Variants in ZFHX3 observed in about 807,000 individuals in gnomAD.
The protein encoded by ZFHX3 is zinc finger homeobox protein 3.
A neutral mutation model predicts 279.1 loss-of-function variants in ZFHX3; 42 were observed. The ratio of observed to expected loss-of-function variants is 0.15; its 90% CI spans 0.12 to 0.19. ZFHX3 has a LOEUF of 0.19. Ranked by LOEUF, ZFHX3 falls within the 10% of genes least tolerant of loss-of-function variation. The pLI is 1.00. For synonymous variants in ZFHX3, 2,293 were observed against 1,957.8 expected, an observed-to-expected ratio of 1.17 and a Z score of -4.52; for missense variants, 4,981 against 4,754.0, an observed-to-expected ratio of 1.05 and a Z score of -1.40.
chr16:73,341,846 A>G (rs1055153651), intron 3 of ZFHX3, among the ~76,000 whole-genome samples: 5 of 152,230 alleles, frequency 3.3e-5, no homozygotes, highest in African/African-American at 1.2e-4. Context: ...ACAAAAGGCT[A>G]CATATTGTAT....
chr16:72,987,440 C>A (rs1962895854), intron 1 of ZFHX3, among the ~76,000 whole-genome samples: 1 of 152,174 alleles, frequency 6.6e-6, no homozygotes, highest in African/African-American at 2.4e-5. Flanking sequence ...CTCCTGGTCT[C>A]CGTTGCCACT....
At chr16:73,513,638 G>C (rs1333286483) in intron 2 of ZFHX3, among the ~76,000 whole-genome samples, 1 of 152,142 alleles carries the variant, frequency 6.6e-6, no homozygotes, top group African/African-American at 2.4e-5. Context: ...CCTCAATTTG[G>C]AGTGAGGATA....
At chr16:73,466,498 T>C (rs2380336) in intron 2 of ZFHX3, among the ~76,000 whole-genome samples, 118,148 of 152,072 alleles carry the variant, frequency 0.78, 46,017 homozygotes, top group Admixed American at 0.82. Flanking sequence ...ACCATCACCA[T>C]CACCACCAAA....
chr16:73,057,962 C>G (rs2144737910), intron 1 of ZFHX3, among the ~76,000 whole-genome samples: 1 of 148,074 alleles, frequency 6.8e-6, no homozygotes, highest in East Asian at 2.0e-4. Flanking sequence ...CCCGGCGCCT[C>G]TCGGGGTGGG....
At chr16:72,977,864 CTTTT>C (rs1189530230) in intron 1 of ZFHX3, among the ~76,000 whole-genome samples, 1 of 150,606 alleles carries the variant, frequency 6.6e-6, no homozygotes, top group East Asian at 1.9e-4. Context: ...GATTTTTTTT[CTTTT>C]TTCTTTTTTT....
intron 1 of ZFHX3, among the ~76,000 whole-genome samples, chr16:73,784,641 G>A (rs1010527480): frequency 1.3e-5 from 2 of 151,788 alleles, no homozygotes; most frequent in African/African-American, 4.8e-5. Context: ...CAGCTACTCG[G>A]GAGGCTGAGG....
intron 1 of ZFHX3, among the ~76,000 whole-genome samples, chr16:73,776,670 G>C (rs1959260118): frequency 6.6e-6 from 1 of 152,158 alleles, no homozygotes; most frequent in Non-Finnish European, 1.5e-5. Flanking sequence ...ATAAGGTAAA[G>C]TTAATTGCGT....
intron 3 of ZFHX3, chr16:73,387,267 T>C (rs1012343709): frequency 7.2e-5 from 11 of 152,216 alleles, no homozygotes; most frequent in African/African-American, 2.4e-4. Context: ...GAGCAGATCC[T>C]TCTCATCTCC....
intron 5 of ZFHX3, among the ~76,000 whole-genome samples, chr16:72,816,927 AC>A (rs1224656921): frequency 6.6e-6 from 1 of 152,222 alleles, no homozygotes; most frequent in Non-Finnish European, 1.5e-5. Context: ...GAAGTATTAA[AC>A]CTCTAAAAAT....
intron 3 of ZFHX3, among the ~76,000 whole-genome samples, chr16:73,447,704 A>G (rs2018211619): frequency 6.6e-6 from 1 of 152,216 alleles, no homozygotes; most frequent in Admixed American, 6.5e-5. Flanking sequence ...CTAAGAGGAA[A>G]GAAGGGTCTC....
chr16:73,227,660 G>A (rs1285813831), intron 5 of ZFHX3, among the ~76,000 whole-genome samples: 3 of 151,686 alleles, frequency 2.0e-5, no homozygotes, highest in Non-Finnish European at 4.4e-5. Flanking sequence ...ACCAGCCTGG[G>A]CAACATGGTG....
intron 4 of ZFHX3, among the ~76,000 whole-genome samples, chr16:73,277,208 T>C (rs1041002434): frequency 1.3e-5 from 2 of 152,228 alleles, no homozygotes; most frequent in African/African-American, 4.8e-5. Flanking sequence ...AGCATTTTAA[T>C]CATGACAAAT....
chr16:73,097,653 G>A (rs1005278616), intron 7 of ZFHX3, among the ~76,000 whole-genome samples: 49 of 152,108 alleles, frequency 3.2e-4, no homozygotes, highest in Admixed American at 3.2e-3. Context: ...CTATGGCCAC[G>A]ATCTCTTTCC....
chr16:73,012,340 A>T (rs1963944753), intron 1 of ZFHX3, among the ~76,000 whole-genome samples: 1 of 152,230 alleles, frequency 6.6e-6, no homozygotes, highest in Non-Finnish European at 1.5e-5. Flanking sequence ...TTCTACTACA[A>T]GTGATACTGC....
At chr16:73,725,445 T>A (rs963157428) in intron 1 of ZFHX3, among the ~76,000 whole-genome samples, 4 of 152,018 alleles carry the variant, frequency 2.6e-5, no homozygotes, top group Non-Finnish European at 4.4e-5. Flanking sequence ...GAGCCAACTG[T>A]GGTCATCACT....
intron 1 of ZFHX3, among the ~76,000 whole-genome samples, chr16:73,784,793 AAAAATATAT>A (rs1188974983): frequency 1.7e-5 from 2 of 116,568 alleles, no homozygotes; most frequent in African/African-American, 6.9e-5. Context: ...AAATAAAAAA[AAAAATATAT>A]ATATATATAT....
chr16:73,682,923 AG>A lies in ZFHX3; in HGVS notation c.-1607-2684del, dbSNP rs1243261975. Reference sequence around the variant, plus strand: ...GAAAGAAAGAGAAAGAAAGAGAGAAAGAGAAAGAAAGAAAGAAAGAAAGAAA... The same window carrying A: ...GAAAGAAAGAGAAAGAAAGAGAGAAAAGAAAGAAAGAAAGAAAGAAAGAAA... On this transcript the variant is annotated intron_variant, in intron 1 of 17. Coordinates refer to the ZFHX3 transcript ENST00000641206. Among the ~76,000 whole-genome samples the A allele has an allele frequency of 2.2e-4, 6 of 27,428 alleles. 1 individual carries two copies. Among genetic ancestry groups the A allele is most frequent in the African/African-American group, 5.5e-4 (3 of 5,498 alleles). 18.0% of individuals were successfully genotyped at this position (27,428 alleles called of 152,430 possible).
In ZFHX3 at chr16:72,869,888, C is replaced by T. The variant is rs188680765; in HGVS notation, c.3448+19843G>A. On this transcript the variant is annotated intron_variant, in intron 4 of 9. Transcript: ENST00000268489. ...CATAACTAACTGACCAAAGCTGATG[C>T]CCGCAATCAAGAGACAAATCAATAT... Among the ~76,000 whole-genome samples the T allele has an allele frequency of 3.9e-5, 6 of 152,262 alleles. No individual in the cohort carries two copies. In the South Asian group the frequency reaches 1.0e-3, roughly 26 times the overall value.
rs78576265 is a variant in ZFHX3, at chr16:72,918,889, G to T, written c.3217-28927C>A. 9.9e-3 allele frequency among the ~76,000 whole-genome samples: 1,511 copies of T among 151,976 alleles called. 43 individuals are homozygous for T. The highest frequency in any genetic ancestry group is 0.037 in the East Asian group (188 of 5,150). The stretch of plus-strand genomic sequence containing the variant: ...TTTTTTGTATTTTTAGTAGAAATGG[G>T]GTTTCACTGTGTTAGCCAGGATGGT... On this transcript the variant is annotated intron_variant, in intron 3 of 9. Coordinates refer to ENST00000268489, the MANE Select transcript of ZFHX3 (RefSeq NM_006885.4).
Sources: allele counts gnomAD v4.1 joint callset (sites outside exome capture counted in the v4.1 genomes callset), GRCh38; gene constraint gnomAD v4.1.1; transcripts MANE v1.5; gene names NCBI Gene and HGNC (gene_info 2026-07-23, HGNC 2026-07-21).